Variants in MRPL3 observed in about 807,000 individuals in gnomAD.
MRPL3 encodes the protein large ribosomal subunit protein uL3m.
A neutral mutation model predicts 44.3 loss-of-function variants in MRPL3; 43 were observed. The ratio of observed to expected loss-of-function variants is 0.97; its 90% CI spans 0.76 to 1.25. The LOEUF (loss-of-function observed/expected upper bound fraction) is 1.25, where lower values mean the gene tolerates loss of function less well. MRPL3 is among the 50% of genes most tolerant of loss of function. The pLI is 0.00. For missense variants in MRPL3, 406 were observed against 427.6 expected, an observed-to-expected ratio of 0.95 and a Z score of 0.45; for synonymous variants, 171 against 152.3, an observed-to-expected ratio of 1.12 and a Z score of -0.91.
intron 8 of MRPL3, among the ~76,000 whole-genome samples, chr3:131,468,419 T>C (rs578033919): frequency 1.0e-3 from 154 of 152,248 alleles, no homozygotes; most frequent in African/African-American, 3.7e-3. Context: ...TCAAGACTAT[T>C]TGGATATTTC....
At position 131,462,820 on chromosome 3, in the gene MRPL3, G is replaced by C. The variant is rs387906962; in HGVS notation, c.950C>G (p.Pro317Arg). The part of the protein sequence containing the change: ...YKDLGKNLPF[P>R]TYFPDGDEEE... ...TTCATCTCCATCAGGAAAATATGTAGGGAATGGTAGATTTTTACCGAGATC... is the reference window on the plus strand; with the variant it reads ...TTCATCTCCATCAGGAAAATATGTACGGAATGGTAGATTTTTACCGAGATC... The change falls in exon 10 of 10, where the codon CCT (proline) becomes CGT (arginine). Residue 317 changes from proline to arginine, a missense_variant. By Grantham distance (103) the Pro-to-Arg change is moderately radical. Coordinates refer to ENST00000264995, the MANE Select transcript of MRPL3 (RefSeq NM_007208.4). The C allele has an allele frequency of 8.1e-6, 13 of 1,612,240 alleles. No homozygotes were observed. The highest frequency in any genetic ancestry group is 1.1e-5 in the Non-Finnish European group (13 of 1,178,966).
chr3:131,497,631 T>G (rs1408855975), intron 4 of MRPL3, among the ~76,000 whole-genome samples: 1 of 152,028 alleles, frequency 6.6e-6, no homozygotes, highest in Non-Finnish European at 1.5e-5. Flanking sequence ...AACTACAAAC[T>G]CAGTACTCTA....
chr3:131,478,011 G>A (rs1457713214), intron 6 of MRPL3, among the ~76,000 whole-genome samples: 1 of 152,120 alleles, frequency 6.6e-6, no homozygotes, highest in Non-Finnish European at 1.5e-5. Flanking sequence ...TGTGCTGGCC[G>A]TATGTTTTTG....
intron 6 of MRPL3, 161 bp from the exon 7 acceptor site, chr3:131,471,440 T>C (rs2110696710): frequency 1.7e-6 from 1 of 588,950 alleles, no homozygotes; most frequent in Non-Finnish European, 3.0e-6. Flanking sequence ...TGCAAATAAA[T>C]ATTCCTTTAT....
At chr3:131,501,765 T>C in intron 1 of MRPL3, 50 bp from the exon 2 acceptor site, 1 of 1,590,096 alleles carries the variant, frequency 6.3e-7, no homozygotes. Context: ...AAAAACTTCC[T>C]CCACTTAATA....
At chr3:131,467,931 A>G (rs1317470130) in intron 9 of MRPL3, among the ~76,000 whole-genome samples, 160 bp downstream of exon 9, 1 of 152,128 alleles carries the variant, frequency 6.6e-6, no homozygotes, top group Non-Finnish European at 1.5e-5. Flanking sequence ...AACATGTGGA[A>G]AAACAGCCAT....
At chr3:131,500,661 T>A (rs1934477589) in intron 2 of MRPL3, 140 bp from the exon 3 acceptor site, 2 of 664,292 alleles carry the variant, frequency 3.0e-6, no homozygotes, top group Non-Finnish European at 2.6e-6. Flanking sequence ...CAGAGTAAAG[T>A]AGGACTGTTC....
intron 3 of MRPL3, among the ~76,000 whole-genome samples, chr3:131,500,203 T>G (rs977315690): frequency 1.3e-4 from 20 of 152,318 alleles, no homozygotes; most frequent in Non-Finnish European, 2.4e-4. Flanking sequence ...AAAAAAAAAT[T>G]CATTGCTCCA....
chr3:131,481,022 T>C (rs1227335701), intron 6 of MRPL3, among the ~76,000 whole-genome samples: 2 of 152,216 alleles, frequency 1.3e-5, no homozygotes, highest in African/African-American at 4.8e-5. Context: ...AGCCACGCTT[T>C]CAACCCAGGT....
intron 1 of MRPL3, 106 bp from the exon 2 acceptor site, chr3:131,501,821 G>C (rs1934503932): frequency 6.3e-7 from 1 of 1,593,516 alleles, no homozygotes; most frequent in South Asian, 1.1e-5. Flanking sequence ...AGGGCCTTGG[G>C]AAAGGGCTTG....
chr3:131,482,177 T>C (rs780619084), intron 6 of MRPL3, among the ~76,000 whole-genome samples: 5 of 152,162 alleles, frequency 3.3e-5, no homozygotes, highest in Non-Finnish European at 7.3e-5. Flanking sequence ...TCAATAAATG[T>C]GCCAAGGTGC....
chr3:131,475,165 C>T (rs1933828924), intron 6 of MRPL3, among the ~76,000 whole-genome samples: 1 of 151,886 alleles, frequency 6.6e-6, no homozygotes, highest in African/African-American at 2.4e-5. Flanking sequence ...CAGAGTGTTC[C>T]CTAACCCCAC....
chr3:131,464,460 C>T (rs961019075), intron 9 of MRPL3, among the ~76,000 whole-genome samples: 3 of 152,020 alleles, frequency 2.0e-5, no homozygotes, highest in African/African-American at 7.2e-5. Context: ...TTAATCTTAC[C>T]TCAGGTTTAT....
intron 4 of MRPL3, among the ~76,000 whole-genome samples, chr3:131,492,283 T>C (rs1171274123): frequency 1.3e-5 from 2 of 152,210 alleles, no homozygotes; most frequent in Non-Finnish European, 2.9e-5. Context: ...AAAAATCCTT[T>C]ATATTTTTAG....
intron 6 of MRPL3, among the ~76,000 whole-genome samples, chr3:131,484,353 G>A (rs1934065296): frequency 6.6e-6 from 1 of 152,038 alleles, no homozygotes; most frequent in African/African-American, 2.4e-5. Flanking sequence ...CGTGGGTGGG[G>A]TCCATCAATT....
chr3:131,481,938 A>G (rs1354973590), intron 6 of MRPL3, among the ~76,000 whole-genome samples: 1 of 152,216 alleles, frequency 6.6e-6, no homozygotes, highest in Non-Finnish European at 1.5e-5. Flanking sequence ...CTCCTTCCGG[A>G]GTTTACAACA....
chr3:131,494,907 T>C (rs1040581583), intron 4 of MRPL3, among the ~76,000 whole-genome samples: 3 of 152,228 alleles, frequency 2.0e-5, no homozygotes, highest in East Asian at 1.9e-4. Context: ...TGCATTCTTT[T>C]CCCCCACTTC....
At position 131,501,690 on chromosome 3, in the gene MRPL3, C is replaced by T. The variant is rs763321066; in HGVS notation, c.118G>A (p.Gly40Ser). 2 of 1,612,654 alleles carry T rather than the reference C, an allele frequency of 1.2e-6. No individual in the cohort carries two copies. Among genetic ancestry groups the T allele is most frequent in the East Asian group, 2.2e-5 (1 of 44,864 alleles). ...CATGTACCACTCTTTCCATGAAGAC[C>T]TCTAACAAAAAGCCAGATGTGTGTT... Reference protein sequence around the residue: ...NRTHIWLFVRGLHGKSGTWWD... With the variant: ...NRTHIWLFVRSLHGKSGTWWD... Residue 40 changes from glycine to serine, a missense_variant, in exon 2 of 10, where the codon GGT (glycine) becomes AGT (serine). Transcript: ENST00000264995.
intron 8 of MRPL3, among the ~76,000 whole-genome samples, chr3:131,469,217 C>A (rs553853239): frequency 6.6e-6 from 1 of 151,430 alleles, no homozygotes; most frequent in Non-Finnish European, 1.5e-5. Context: ...CTCCTCCTTA[C>A]ACTTACACAC....
Sources: gnomAD v4.1 joint callset for allele counts (sites outside exome capture counted in the v4.1 genomes callset) on GRCh38, gnomAD v4.1.1 for gene constraint, MANE v1.5 for transcripts, NCBI Gene and HGNC (gene_info 2026-07-23, HGNC 2026-07-21) for gene names.